SLC7A1: variants seen among roughly 807,000 people sequenced by gnomAD.
SLC7A1 encodes the protein high affinity cationic amino acid transporter 1.
A neutral mutation model predicts 53.9 loss-of-function variants in SLC7A1; 10 were observed. That is an observed-to-expected ratio of 0.19 (90% confidence interval 0.11 to 0.31). The LOEUF (loss-of-function observed/expected upper bound fraction) is 0.31. Among genes scored for constraint, SLC7A1 ranks in the 10% least tolerant of loss-of-function variants. SLC7A1 has a pLI of 1.00. For synonymous variants in SLC7A1, 342 were observed against 338.7 expected (o/e 1.01, Z -0.11); for missense variants, 525 against 827.2 (o/e 0.63, Z 4.48).
intron 4 of SLC7A1, 29 bp from the exon 5 acceptor site, chr13:29,530,741 G>A (rs756410020): frequency 1.2e-6 from 2 of 1,603,240 alleles, no homozygotes; most frequent in Admixed American, 3.4e-5. Context: ...ACAAAACTTT[G>A]TCTGAGTGTT....
chr13:29,535,794 C>G (rs781499116), intron 3 of SLC7A1, 25 bp downstream of exon 3: 1 of 1,596,002 alleles, frequency 6.3e-7, no homozygotes, highest in Non-Finnish European at 8.6e-7. Flanking sequence ...GTAGAGGGCA[C>G]GAGCTCCGGA....
intron 1 of SLC7A1, among the ~76,000 whole-genome samples, chr13:29,573,403 A>G (rs1035550001): frequency 2.6e-5 from 4 of 152,144 alleles, no homozygotes. Context: ...AATCGCGGGG[A>G]ACACCACACT....
chr13:29,522,492 G>A (rs1256601735), intron 7 of SLC7A1, 36 bp from the exon 8 acceptor site: 1 of 1,612,400 alleles, frequency 6.2e-7, no homozygotes, highest in Admixed American at 1.7e-5. Flanking sequence ...GAGTGAACCT[G>A]GCTCATAAGG....
At chr13:29,566,882 C>A (rs540313060) in intron 1 of SLC7A1, among the ~76,000 whole-genome samples, 1 of 152,218 alleles carries the variant, frequency 6.6e-6, no homozygotes, top group Non-Finnish European at 1.5e-5. Flanking sequence ...TATTCAAGTT[C>A]GGTTGCTAAG....
chr13:29,535,717 T>G (rs1869380319), intron 3 of SLC7A1, 102 bp downstream of exon 3: 2 of 1,175,488 alleles, frequency 1.7e-6, no homozygotes, highest in Non-Finnish European at 2.4e-6. Flanking sequence ...GCCTCTCGTG[T>G]TAACAAGAAT....
At chr13:29,546,017 A>T (rs757175331) in intron 2 of SLC7A1, among the ~76,000 whole-genome samples, 2 of 152,364 alleles carry the variant, frequency 1.3e-5, no homozygotes, top group Non-Finnish European at 2.9e-5. Flanking sequence ...GTGTTACAAC[A>T]AAAACAGGTA....
At chr13:29,551,112 A>G (rs1274165777) in intron 2 of SLC7A1, among the ~76,000 whole-genome samples, 2 of 152,184 alleles carry the variant, frequency 1.3e-5, no homozygotes, top group Non-Finnish European at 2.9e-5. Flanking sequence ...TCCTTGGGCC[A>G]TGGTCGTAGG....
At chr13:29,547,513 TA>T (rs567201498) in intron 2 of SLC7A1, among the ~76,000 whole-genome samples, 66 of 152,142 alleles carry the variant, frequency 4.3e-4, no homozygotes, top group Admixed American at 1.2e-3. Flanking sequence ...TAGCAATCCT[TA>T]AAAAAAATTA....
chr13:29,567,114 A>C (rs1870999706), intron 1 of SLC7A1, among the ~76,000 whole-genome samples: 2 of 152,230 alleles, frequency 1.3e-5, no homozygotes, highest in South Asian at 4.1e-4. Context: ...CTGCCGCCTC[A>C]TCTTCTGGTG....
chr13:29,539,436 G>T (rs1178268510), intron 2 of SLC7A1, among the ~76,000 whole-genome samples: 2 of 152,178 alleles, frequency 1.3e-5, no homozygotes, highest in African/African-American at 4.8e-5. Context: ...TGCCAGTTGA[G>T]AACCCAAAGA....
chr13:29,562,935 A>T (rs1424969735), intron 1 of SLC7A1, among the ~76,000 whole-genome samples: 1 of 152,238 alleles, frequency 6.6e-6, no homozygotes, highest in Non-Finnish European at 1.5e-5. Context: ...CATTTGGCTC[A>T]AAATTGCATG....
chr13:29,556,989 T>TTG (rs1436319923), intron 1 of SLC7A1, among the ~76,000 whole-genome samples: 1 of 152,258 alleles, frequency 6.6e-6, no homozygotes, highest in Non-Finnish European at 1.5e-5. Flanking sequence ...AAGAAAGGCA[T>TTG]GCCATATGTT....
intron 1 of SLC7A1, among the ~76,000 whole-genome samples, chr13:29,578,797 G>A (rs928353): frequency 0.1 from 15,433 of 152,284 alleles, 878 homozygotes; most frequent in African/African-American, 0.14. Context: ...GTCACAGCCT[G>A]TCAAAAGCCA....
At chr13:29,554,565 T>C (rs1870347868) in intron 1 of SLC7A1, among the ~76,000 whole-genome samples, 1 of 152,226 alleles carries the variant, frequency 6.6e-6, no homozygotes, top group Non-Finnish European at 1.5e-5. Context: ...ATGCATGGCA[T>C]ATAAAGTCCT....
rs1477241676 is a variant in SLC7A1, at chr13:29,510,616, T to A, written c.*3864A>T. The A allele has an allele frequency of 6.6e-6, 1 of 152,012 alleles. No individual in the cohort carries two copies. Among genetic ancestry groups the A allele is most frequent in the Non-Finnish European group, 1.5e-5 (1 of 67,998 alleles). 9.4% of individuals were successfully genotyped at this position (152,012 alleles called of 1,614,324 possible). A position where few individuals can be genotyped will look rare whatever the true frequency, so the allele number is the denominator to read the frequency against. On this transcript the variant is annotated 3_prime_UTR_variant, in exon 13 of 13. Transcript: ENST00000380752. ...CCTCACGCCCCCACCACCCTGCAAT[T>A]TCCCCGTCCTCGGAACTGTCTCACG... is the stretch of plus-strand genomic sequence containing the variant.
intron 3 of SLC7A1, among the ~76,000 whole-genome samples, chr13:29,533,794 A>G (rs956903870): frequency 3.3e-5 from 5 of 152,220 alleles, no homozygotes; most frequent in Admixed American, 3.3e-4. Flanking sequence ...AAAGGGTGTC[A>G]GAATGTGTTT....
intron 8 of SLC7A1, 98 bp from the exon 9 acceptor site, chr13:29,519,647 G>T (rs1868536722): frequency 1.4e-6 from 1 of 701,208 alleles, no homozygotes; most frequent in Non-Finnish European, 2.4e-6. Context: ...AGCGAAGGGG[G>T]CTGCTTTTAC....
chr13:29,573,764 T>A (rs1394055228), intron 1 of SLC7A1, among the ~76,000 whole-genome samples: 1 of 152,340 alleles, frequency 6.6e-6, no homozygotes, highest in East Asian at 1.9e-4. Flanking sequence ...AAAAAAAGTA[T>A]CCATTGCTTA....
At chr13:29,574,781 A>G (rs1408660154) in intron 1 of SLC7A1, among the ~76,000 whole-genome samples, 1 of 150,984 alleles carries the variant, frequency 6.6e-6, no homozygotes, top group African/African-American at 2.4e-5. Context: ...AGTAGCTGGG[A>G]CTACAGGTGC....
Sources: gnomAD v4.1 joint callset for allele counts (sites outside exome capture counted in the v4.1 genomes callset) on GRCh38, gnomAD v4.1.1 for gene constraint, MANE v1.5 for transcripts, NCBI Gene and HGNC (gene_info 2026-07-23, HGNC 2026-07-21) for gene names.